Variants in NCAPG2 observed in about 807,000 individuals in gnomAD.
NCAPG2 encodes the protein condensin-2 complex subunit G2.
In NCAPG2, 53 loss-of-function variants were observed where a neutral mutation model predicts 141.1. The observed-to-expected ratio is 0.38, with a 90% CI of 0.30 to 0.47. The LOEUF (loss-of-function observed/expected upper bound fraction) is 0.47, where lower values mean the gene tolerates loss of function less well. NCAPG2 is among the 20% of genes least tolerant of loss of function. The probability of loss-of-function intolerance (pLI) is 0.99; values close to 1 mark genes in which losing one functional copy is unlikely to be tolerated. For missense variants in NCAPG2, 1,087 were observed against 1,389.0 expected (o/e 0.78, Z 3.46); for synonymous variants, 499 against 490.7 (o/e 1.02, Z -0.22).
intron 27 of NCAPG2, among the ~76,000 whole-genome samples, chr7:158,642,273 C>T (rs1351973639): frequency 6.6e-6 from 1 of 152,194 alleles, no homozygotes; most frequent in Non-Finnish European, 1.5e-5. Context: ...CATGGTGGCT[C>T]ACACTGGTAA....
Position 158,689,902 on chromosome 7 carries a change from C to G in NCAPG2, c.589G>C (p.Asp197His). Residue 197 changes from aspartate to histidine, a missense_variant, in exon 6 of 28, where the codon GAT becomes CAT. Transcript: ENST00000356309. ...TCTCCACTTTCCTCCAAATCATAATCAAAGCAATATAAAGCTTGATGGATA... is the reference window on the plus strand; with the variant it reads ...TCTCCACTTTCCTCCAAATCATAATGAAAGCAATATAAAGCTTGATGGATA... ...WRIHQALYCF[D>H]YDLEESGEIK... 6.2e-7 allele frequency: 1 copy of G among 1,607,346 alleles called. No individual in the cohort carries two copies. The highest frequency in any genetic ancestry group is 8.5e-7 in the Non-Finnish European group (1 of 1,176,900).
intron 11 of NCAPG2, 140 bp downstream of exon 11, chr7:158,679,820 C>A: frequency 9.0e-7 from 1 of 1,109,614 alleles, no homozygotes; most frequent in Non-Finnish European, 1.3e-6. Flanking sequence ...CTCTGAAGAA[C>A]AGTCCAGGTT....
intron 13 of NCAPG2, among the ~76,000 whole-genome samples, chr7:158,667,504 T>C (rs1278504318): frequency 9.9e-6 from 1 of 101,080 alleles, no homozygotes; most frequent in Admixed American, 1.1e-4. Context: ...CCTTACCCAC[T>C]ACTGGGTCCC....
At chr7:158,637,288 A>G (rs1830288287) in intron 27 of NCAPG2, among the ~76,000 whole-genome samples, 1 of 152,176 alleles carries the variant, frequency 6.6e-6, no homozygotes, top group African/African-American at 2.4e-5. Flanking sequence ...ACACTCAATC[A>G]TTTTTAGAAT....
chr7:158,664,316 C>A lies in NCAPG2; in HGVS notation c.1703-20G>T, dbSNP rs1423242136. The A allele has an allele frequency of 3.2e-6, 5 of 1,587,138 alleles. No homozygotes were observed. The Middle Eastern group carries it at 5.0e-4, about 160-fold the overall frequency. On this transcript the variant is annotated intron_variant, in intron 14 of 27. Transcript: ENST00000356309. Reference sequence around the variant, plus strand: ...GCTTTGCTGAAATGTTTAGGATAAACAAGAATTAATGGATGTGTTTCTTCT... The same window carrying A: ...GCTTTGCTGAAATGTTTAGGATAAAAAAGAATTAATGGATGTGTTTCTTCT...
intron 6 of NCAPG2, among the ~76,000 whole-genome samples, chr7:158,688,055 ACT>A (rs1174403875): frequency 4.6e-5 from 7 of 152,200 alleles, no homozygotes; most frequent in Admixed American, 2.6e-4. Flanking sequence ...TCTATCTAGA[ACT>A]CTCTCAGTGA....
At chr7:158,695,420 G>A (rs1364371104) in intron 2 of NCAPG2, among the ~76,000 whole-genome samples, 3 of 152,240 alleles carry the variant, frequency 2.0e-5, no homozygotes, top group Non-Finnish European at 4.4e-5. Flanking sequence ...ATCCACCTAT[G>A]TGACAAACTA....
intron 8 of NCAPG2, among the ~76,000 whole-genome samples, 161 bp downstream of exon 8, chr7:158,686,011 C>G (rs1463147867): frequency 6.6e-6 from 1 of 152,186 alleles, no homozygotes; most frequent in African/African-American, 2.4e-5. Flanking sequence ...AACCACACAT[C>G]TTAGCAAGTG....
At position 158,632,565 on chromosome 7, in the gene NCAPG2, C is replaced by T. The variant is rs372964620; in HGVS notation, c.3381-848G>A. On this transcript the variant is annotated intron_variant, in intron 27 of 27. Coordinates refer to ENST00000356309, the MANE Select transcript of NCAPG2 (RefSeq NM_017760.7). ...ACCTTTCACTCCAAATGAATCTCAG[C>T]GAGATTTAAAACTCTTACAATCCTA... 4.8e-4 allele frequency among the ~76,000 whole-genome samples: 73 copies of T among 152,292 alleles called. 3 individuals carry two copies. The South Asian group carries it at 0.014, about 29-fold the overall frequency.
chr7:158,643,097 G>A (rs937783876), intron 27 of NCAPG2, among the ~76,000 whole-genome samples: 4 of 152,136 alleles, frequency 2.6e-5, no homozygotes, highest in African/African-American at 9.7e-5. Context: ...CAAGTAGCTG[G>A]AATTACAGGC....
At chr7:158,661,872 A>G (rs892894191) in intron 16 of NCAPG2, among the ~76,000 whole-genome samples, 1 of 152,188 alleles carries the variant, frequency 6.6e-6, no homozygotes, top group African/African-American at 2.4e-5. Context: ...CTCCATGTTC[A>G]CGAAACTCTT....
Position 158,664,543 on chromosome 7 carries a change from C to T in NCAPG2, c.1687G>A (p.Ala563Thr), listed in dbSNP as rs768329859. Residue 563 changes from alanine to threonine, a missense_variant, in exon 14 of 28, where the codon GCC becomes ACC. Coordinates refer to ENST00000356309, the MANE Select transcript of NCAPG2 (RefSeq NM_017760.7). ...RFYQYAHEHT[A>T]CTNIAKLIHV... Reference sequence around the variant, plus strand: ...CACTCCCTACCTATGTTGGTGCAGGCGGTGTGTTCGTGGGCGTACTGATAG... The same window carrying T: ...CACTCCCTACCTATGTTGGTGCAGGTGGTGTGTTCGTGGGCGTACTGATAG... 5.0e-6 allele frequency: 8 copies of T among 1,614,006 alleles called. No individual in the cohort carries two copies. The highest frequency in any genetic ancestry group is 2.2e-5 in the East Asian group (1 of 44,886).
In NCAPG2 at chr7:158,648,605, C is replaced by T. The variant is rs540657078; in HGVS notation, c.3076-2042G>A. On this transcript the variant is annotated intron_variant, in intron 24 of 27. Coordinates refer to ENST00000356309, the MANE Select transcript of NCAPG2 (RefSeq NM_017760.7). ...AACCACGCCAAATGGACGACAACCA[C>T]GCCAAATGGACGACAACCACGCCAA... 8.4e-3 allele frequency among the ~76,000 whole-genome samples: 794 copies of T among 94,044 alleles called. 112 individuals carry two copies. The highest frequency in any genetic ancestry group is 0.027 in the African/African-American group (726 of 27,198). The allele number at this position is 94,044 out of a possible 152,430, so 61.7% of individuals were successfully genotyped here.
At chr7:158,676,248 C>T (rs1834042976) in intron 11 of NCAPG2, among the ~76,000 whole-genome samples, 1 of 152,182 alleles carries the variant, frequency 6.6e-6, no homozygotes, top group African/African-American at 2.4e-5. Flanking sequence ...ACACTAATGG[C>T]ATCACAGGAA....
chr7:158,638,106 T>C (rs920512669), intron 27 of NCAPG2, among the ~76,000 whole-genome samples: 11 of 152,072 alleles, frequency 7.2e-5, no homozygotes, highest in Admixed American at 5.9e-4. Context: ...ATCGCACCAC[T>C]GCACTACAGC....
intron 13 of NCAPG2, among the ~76,000 whole-genome samples, chr7:158,666,956 T>C (rs1266870236): frequency 6.6e-6 from 1 of 152,092 alleles, no homozygotes; most frequent in Non-Finnish European, 1.5e-5. Flanking sequence ...CACCCATTAC[T>C]GAGGTGTGCA....
At chr7:158,670,013 G>C (rs915356562) in intron 13 of NCAPG2, among the ~76,000 whole-genome samples, 1 of 152,064 alleles carries the variant, frequency 6.6e-6, no homozygotes, top group African/African-American at 2.4e-5. Flanking sequence ...AGCAAAGCTG[G>C]AGAATGCACA....
chr7:158,690,896 T>C (rs1835076524), intron 4 of NCAPG2, among the ~76,000 whole-genome samples, 174 bp from the exon 5 acceptor site: 1 of 152,228 alleles, frequency 6.6e-6, no homozygotes, highest in South Asian at 2.1e-4. Context: ...ATGCAAATAA[T>C]GTTAATTAAA....
chr7:158,673,638 C>T (rs1040402239), intron 12 of NCAPG2, among the ~76,000 whole-genome samples: 1 of 152,208 alleles, frequency 6.6e-6, no homozygotes, highest in African/African-American at 2.4e-5. Context: ...AATCTCAGAG[C>T]TACCTGCTGG....
Sources: gnomAD v4.1 joint callset for allele counts (sites outside exome capture counted in the v4.1 genomes callset) on GRCh38, gnomAD v4.1.1 for gene constraint, MANE v1.5 for transcripts, NCBI Gene and HGNC (gene_info 2026-07-23, HGNC 2026-07-21) for gene names.